MGAM: variants seen among roughly 807,000 people sequenced by gnomAD.
MGAM encodes the protein maltase-glucoamylase, also known as alpha-1,4-glucosidase.
MGAM carries 253 observed loss-of-function variants against 358.8 expected under a neutral mutation model. The ratio of observed to expected loss-of-function variants is 0.71; its 90% CI spans 0.64 to 0.78. The LOEUF (loss-of-function observed/expected upper bound fraction) is 0.78. MGAM is among the 30% of genes least tolerant of loss of function. The pLI is 0.00. For synonymous variants in MGAM, 1,105 were observed against 1,227.1 expected, an observed-to-expected ratio of 0.90 and a Z score of 2.08; for missense variants, 3,080 against 3,432.6, an observed-to-expected ratio of 0.90 and a Z score of 2.57.
rs1212772625 is a variant in MGAM, at chr7:142,084,927, C to T, written c.6507+283C>T. 2.7e-5 allele frequency among the ~76,000 whole-genome samples: 4 copies of T among 146,436 alleles called. 1 individual carries two copies. The highest frequency in any genetic ancestry group is 6.2e-5 in the Non-Finnish European group (4 of 64,674). On this transcript the variant is annotated intron_variant, in intron 54 of 70. Coordinates refer to ENST00000475668, the MANE Select transcript of MGAM (RefSeq NM_001365693.1). ...GCTTCCTTCCATTTCTTTCACATGA[C>T]TTCAAAACATGTAGTCAAAATGTCC...
intron 7 of MGAM, among the ~76,000 whole-genome samples, chr7:142,023,217 T>G (rs1806623872): frequency 6.6e-6 from 1 of 151,786 alleles, no homozygotes; most frequent in Non-Finnish European, 1.5e-5. Context: ...CGTGTCACCA[T>G]GCCTGGCCAA....
Position 142,008,543 on chromosome 7 carries a change from GACAACTGGTACCCCAGATCCTGGA to G in MGAM, c.178_201del (p.Pro60_Thr67del), listed in dbSNP as rs782803503. 83 of 1,611,982 alleles carry G rather than the reference GACAACTGGTACCCCAGATCCTGGA, an allele frequency of 5.1e-5. No individual in the cohort carries two copies. The East Asian group carries it at 1.5e-3, about 29-fold the overall frequency. ...GGACAACTGGTACCCCAGATCCTGG[GACAACTGGTACCCCAGATCCTGGA>G]ACAACTGGTACCACACATGCTAGGA... On this transcript the variant is annotated inframe_deletion, in exon 3 of 71. Coordinates refer to ENST00000475668, the MANE Select transcript of MGAM (RefSeq NM_001365693.1).
At position 142,093,536 on chromosome 7, in the gene MGAM, C is replaced by T; in HGVS notation, c.7158C>T (p.Thr2386=). ...NVHNLYGWSQ[T]RPTYEAVQEV... ...ACAACCTGTACGGGTGGTCCCAGAC[C>T]AGACCCACATACGAGTGAGTCTCTG... The change falls in exon 60 of 71, where the codon ACC becomes ACT. Residue 2386 remains threonine, a synonymous_variant. Transcript: ENST00000475668. 2 of 1,501,458 alleles carry T rather than the reference C, an allele frequency of 1.3e-6. No individual in the cohort carries two copies. The highest frequency in any genetic ancestry group is 1.4e-5 in the African/African-American group (1 of 73,112). 93.0% of individuals were successfully genotyped at this position (1,501,458 alleles called of 1,614,324 possible). A position where few individuals can be genotyped will look rare whatever the true frequency, so the allele number is the denominator to read the frequency against.
intron 46 of MGAM, 74 bp downstream of exon 46, chr7:142,076,326 T>C: frequency 7.8e-7 from 1 of 1,286,094 alleles, no homozygotes; most frequent in Non-Finnish European, 1.1e-6. Flanking sequence ...CTTGTGTATA[T>C]GTGTGATTAT....
chr7:142,068,864 A>C (rs1286350340), intron 43 of MGAM, among the ~76,000 whole-genome samples, 161 bp downstream of exon 43: 5 of 146,374 alleles, frequency 3.4e-5, no homozygotes, highest in African/African-American at 1.2e-4. Flanking sequence ...TCTCACCTCC[A>C]AGTGGGGTAA....
At chr7:142,093,648 G>T in intron 60 of MGAM, 98 bp downstream of exon 60, 1 of 1,255,462 alleles carries the variant, frequency 8.0e-7, no homozygotes, top group Non-Finnish European at 1.1e-6. Context: ...CATTCTAAGG[G>T]TTAAGAAGAT....
At chr7:142,038,647 C>T (rs2129009895) in intron 19 of MGAM, 32 bp downstream of exon 19, 2 of 1,511,166 alleles carry the variant, frequency 1.3e-6, no homozygotes, top group Non-Finnish European at 1.8e-6. Context: ...CACTAGAGAT[C>T]TCTGCATCTG....
In MGAM at chr7:142,031,717, A is replaced by G. The variant is rs1760931541; in HGVS notation, c.1508A>G (p.Asn503Ser). ...PGQTVFPDYT[N>S]PNCAVWWTKE... is the part of the protein sequence containing the mutation. Reference sequence around the variant, plus strand: ...CAAACTGTGTTTCCTGATTATACCAATCCCAACTGTGCTGTTTGGTGGACA... The same window carrying G: ...CAAACTGTGTTTCCTGATTATACCAGTCCCAACTGTGCTGTTTGGTGGACA... Residue 503 changes from asparagine (N) to serine (S), a missense_variant, in exon 13 of 71, where the codon AAT (asparagine) becomes AGT (serine). Physicochemically the swap from Asn to Ser is conservative, Grantham distance 46. Coordinates refer to ENST00000475668, the MANE Select transcript of MGAM (RefSeq NM_001365693.1). 1.2e-6 allele frequency: 2 copies of G among 1,613,314 alleles called. No individual in the cohort carries two copies. The highest frequency in any genetic ancestry group is 1.3e-5 in the African/African-American group (1 of 74,890).
chr7:142,009,461 A>G (rs781861774), intron 3 of MGAM, among the ~76,000 whole-genome samples: 4 of 152,118 alleles, frequency 2.6e-5, no homozygotes, highest in Non-Finnish European at 5.9e-5. Context: ...GCTGTACTCA[A>G]TAGCTCACTC....
At chr7:142,058,131 C>A (rs1326083039) in intron 30 of MGAM, 72 bp from the exon 31 acceptor site, 6 of 1,601,632 alleles carry the variant, frequency 3.7e-6, no homozygotes, top group Non-Finnish European at 5.1e-6. Flanking sequence ...GAAAAATATT[C>A]TTATTACTTG....
At chr7:142,017,881 A>T (rs969890792) in intron 3 of MGAM, among the ~76,000 whole-genome samples, 10 of 152,188 alleles carry the variant, frequency 6.6e-5, no homozygotes, top group Non-Finnish European at 1.5e-4. Context: ...CTCAACCCAG[A>T]GTATAGAAAA....
intron 57 of MGAM, among the ~76,000 whole-genome samples, chr7:142,090,961 A>G (rs1815330292): frequency 6.8e-6 from 1 of 146,454 alleles, no homozygotes; most frequent in Non-Finnish European, 1.5e-5. Context: ...AAGAAGTTGT[A>G]TCTGGCTGGG....
chr7:141,986,870 A>G (rs1309691523), intron 2 of MGAM, among the ~76,000 whole-genome samples: 2 of 152,220 alleles, frequency 1.3e-5, no homozygotes, highest in Admixed American at 1.3e-4. Flanking sequence ...ATCTAAAAAA[A>G]TAGAACTCAA....
chr7:142,052,933 C>T lies in MGAM; in HGVS notation c.3108C>T (p.Asn1036=), dbSNP rs150559219. Residue 1036 remains asparagine (N), a synonymous_variant, in exon 26 of 71, where the codon AAC becomes AAT. Transcript: ENST00000475668. ...ATGCCTTCCCCTCCACACCCGTGAA[C>T]CCCCTTCGCCTGGATGTCACTTACC... ...YANAFPSTPV[N]PLRLDVTYHK... is the part of the protein sequence containing the mutation. The T allele has an allele frequency of 0.01, 16,336 of 1,613,842 alleles. 110 individuals carry two copies. Among genetic ancestry groups the T allele is most frequent in the Non-Finnish European group, 0.011 (13,192 of 1,179,800 alleles).
At chr7:142,051,004 A>T in intron 24 of MGAM, 140 bp downstream of exon 24, 1 of 1,068,762 alleles carries the variant, frequency 9.4e-7, no homozygotes, top group Non-Finnish European at 1.4e-6. Context: ...GGGCTGGGGA[A>T]AAAAATGAGG....
rs187673065 is a variant in MGAM at position 142,069,753 on chromosome 7, G to A, written c.5061+1050G>A. ...TCTGCTATGTGTGTCCCAGCCAGGC[G>A]TTTCCCAGGAAGAGGTGGCCAGCTT... On this transcript the variant is annotated intron_variant, in intron 43 of 70. Coordinates refer to ENST00000475668, the MANE Select transcript of MGAM (RefSeq NM_001365693.1). Among the ~76,000 whole-genome samples, 114 of 145,834 alleles carry A rather than the reference G, an allele frequency of 7.8e-4. 6 individuals carry two copies. The highest frequency in any genetic ancestry group is 2.6e-3 in the African/African-American group (108 of 41,184).
Position 142,076,790 on chromosome 7 carries a change from G to T in MGAM, c.5457G>T (p.Gln1819His). 1.3e-6 allele frequency: 2 copies of T among 1,555,296 alleles called. No homozygotes were observed. Among genetic ancestry groups the T allele is most frequent in the East Asian group, 4.6e-5 (2 of 43,924 alleles). Residue 1819 changes from glutamine (Q) to histidine (H), a missense_variant, in exon 47 of 71, where the codon CAG becomes CAT. Coordinates refer to ENST00000475668, the MANE Select transcript of MGAM (RefSeq NM_001365693.1). ...TGAAACACAATGGTGTCCCAAGTCA[G>T]ACTTCTCCTACAGTCACTTATGATT... The part of the protein sequence containing the change: ...VTVKHNGVPS[Q>H]TSPTVTYDSN...
At chr7:142,060,203 C>T in intron 33 of MGAM, 108 bp from the exon 34 acceptor site, 2 of 1,466,262 alleles carry the variant, frequency 1.4e-6, no homozygotes, top group Non-Finnish European at 1.9e-6. Flanking sequence ...ATGTGATAGT[C>T]AAAGTATTAT....
chr7:142,084,723 G>A (rs1190404462), intron 54 of MGAM, 79 bp downstream of exon 54: 2 of 1,477,578 alleles, frequency 1.4e-6, no homozygotes, highest in East Asian at 2.3e-5. Context: ...TCTAATGTTT[G>A]TGAGATTCTA....
Sources: gnomAD v4.1 joint callset for allele counts (sites outside exome capture counted in the v4.1 genomes callset) on GRCh38, gnomAD v4.1.1 for gene constraint, MANE v1.5 for transcripts, NCBI Gene and HGNC (gene_info 2026-07-23, HGNC 2026-07-21) for gene names.